Variants in UQCC5 observed in about 807,000 individuals in gnomAD.
The protein encoded by UQCC5 is UPF0640 protein C3orf78.
the UQCC5 span, among the ~76,000 whole-genome samples, chr3:52,539,731 T>G: frequency 1.3e-5 from 2 of 151,420 alleles, no homozygotes; most frequent in African/African-American, 4.9e-5. Context: ...CTCTGCCTCC[T>G]GGGTTCAAGC....
the UQCC5 span, among the ~76,000 whole-genome samples, chr3:52,538,229 G>A: frequency 6.6e-6 from 1 of 152,320 alleles, no homozygotes; most frequent in East Asian, 1.9e-4. Flanking sequence ...TGATTAAGTG[G>A]ACTCAGGAGA....
chr3:52,541,063 TG>T, the UQCC5 span: 4 of 152,368 alleles, frequency 2.6e-5, no homozygotes, highest in African/African-American at 9.6e-5. Flanking sequence ...CTGCAAGGGC[TG>T]GATCTTCATG....
At chr3:52,537,838 G>T in the UQCC5 span, among the ~76,000 whole-genome samples, 1 of 152,172 alleles carries the variant, frequency 6.6e-6, no homozygotes, top group Non-Finnish European at 1.5e-5. Context: ...AGGACCTGAA[G>T]ACTGAGTAGG....
the UQCC5 span, chr3:52,540,675 G>A: frequency 4.1e-6 from 2 of 486,380 alleles, no homozygotes; most frequent in African/African-American, 4.1e-5. Flanking sequence ...CCAAGTCACT[G>A]CTGGACAGCA....
At chr3:52,536,748 G>T in the UQCC5 span, 1 of 1,551,802 alleles carries the variant, frequency 6.4e-7, no homozygotes, top group Non-Finnish European at 8.7e-7. Flanking sequence ...CCACGACCTC[G>T]GTCGAGCATG....
the UQCC5 span, chr3:52,540,348 A>G: frequency 2.8e-6 from 3 of 1,090,218 alleles, no homozygotes; most frequent in South Asian, 4.6e-5. Context: ...GACCTAGACT[A>G]TTGGTTAAAT....
chr3:52,538,607 A>G, the UQCC5 span, among the ~76,000 whole-genome samples: 4 of 152,150 alleles, frequency 2.6e-5, no homozygotes, highest in Non-Finnish European at 4.4e-5. Context: ...GATTACAGGC[A>G]TGCACCACCA....
the UQCC5 span, chr3:52,536,680 G>A: frequency 6.5e-7 from 1 of 1,528,606 alleles, no homozygotes; most frequent in Admixed American, 2.0e-5. Flanking sequence ...GCGAGAACGG[G>A]CGGGGCGGTC....
chr3:52,536,654 C>T, the UQCC5 span: 7 of 1,503,480 alleles, frequency 4.7e-6, no homozygotes, highest in African/African-American at 4.1e-5. Context: ...GCTAGTCTCC[C>T]AGGTCGCGGT....
chr3:52,540,366 ATTGTT>A, the UQCC5 span: 6 of 1,266,764 alleles, frequency 4.7e-6, no homozygotes, highest in Non-Finnish European at 6.5e-6. Context: ...AATTATTCAG[ATTGTT>A]TTAATTTTAA....
chr3:52,541,183 T>TC, the UQCC5 span: 2 of 152,204 alleles, frequency 1.3e-5, no homozygotes, highest in Non-Finnish European at 2.9e-5. Context: ...CTACACAGTA[T>TC]AAAGCATCCC....
the UQCC5 span, chr3:52,536,700 TCCG>T: frequency 1.3e-6 from 2 of 1,542,148 alleles, no homozygotes; most frequent in African/African-American, 2.7e-5. Context: ...CTCGGCTGCG[TCCG>T]GGCGATCCAG....
the UQCC5 span, chr3:52,536,934 T>G: frequency 6.4e-7 from 1 of 1,550,942 alleles, no homozygotes; most frequent in East Asian, 2.4e-5. Context: ...AGTCTCTGTT[T>G]CCTTTCAGGA....
chr3:52,537,805 C>T, the UQCC5 span, among the ~76,000 whole-genome samples: 2 of 151,920 alleles, frequency 1.3e-5, no homozygotes, highest in Admixed American at 1.3e-4. Flanking sequence ...GGAAGGCTTC[C>T]GGAAGCAGCT....
the UQCC5 span, among the ~76,000 whole-genome samples, chr3:52,539,638 A>G: frequency 7.2e-6 from 1 of 139,736 alleles, no homozygotes; most frequent in Non-Finnish European, 1.6e-5. Context: ...AAGGAAGAAG[A>G]TTTTTTTTTT....
the UQCC5 span, among the ~76,000 whole-genome samples, chr3:52,537,860 T>C: frequency 6.6e-6 from 1 of 151,868 alleles, no homozygotes; most frequent in Non-Finnish European, 1.5e-5. Context: ...GTCAGTCAGA[T>C]GAGGGGAAGG....
At chr3:52,536,670 G>A in the UQCC5 span, 2 of 1,518,780 alleles carry the variant, frequency 1.3e-6, no homozygotes, top group East Asian at 2.5e-5. Flanking sequence ...GCGGTACACG[G>A]CGAGAACGGG....
At chr3:52,539,287 G>A in the UQCC5 span, among the ~76,000 whole-genome samples, 1 of 152,180 alleles carries the variant, frequency 6.6e-6, no homozygotes, top group Non-Finnish European at 1.5e-5. Context: ...AGGAATTTTA[G>A]CTGATTTGCC....
chr3:52,537,027 G>C, the UQCC5 span: 11 of 1,341,564 alleles, frequency 8.2e-6, no homozygotes, highest in Middle Eastern at 2.6e-4. Flanking sequence ...CGCTGGGCGA[G>C]TGCAGTTCCA....
Sources: gnomAD v4.1 joint callset for allele counts (sites outside exome capture counted in the v4.1 genomes callset) on GRCh38, gnomAD v4.1.1 for gene constraint, MANE v1.5 for transcripts, NCBI Gene and HGNC (gene_info 2026-07-23, HGNC 2026-07-21) for gene names.